The following CDKL1 variants were observed in gnomAD, a reference collection of about 807,000 sequenced individuals.
CDKL1 encodes the protein cyclin-dependent kinase-like 1.
In CDKL1, 41 loss-of-function variants were observed where a neutral mutation model predicts 42.0. The observed-to-expected ratio is 0.98, with a 90% CI of 0.76 to 1.27. CDKL1 has a LOEUF of 1.27. CDKL1 is among the 50% of genes most tolerant of loss of function. The pLI is 0.00. For missense variants in CDKL1, 394 were observed against 428.4 expected (o/e 0.92, Z 0.71); for synonymous variants, 153 against 158.6 (o/e 0.96, Z 0.26).
chr14:50,377,111 T>G (rs2034755589), intron 2 of CDKL1, among the ~76,000 whole-genome samples: 1 of 152,190 alleles, frequency 6.6e-6, no homozygotes, highest in South Asian at 2.1e-4. Context: ...TGTTTCCCAT[T>G]CTTTCAGCCC....
intron 7 of CDKL1, chr14:50,335,672 A>G: frequency 6.7e-7 from 1 of 1,494,322 alleles, no homozygotes; most frequent in Non-Finnish European, 8.9e-7. Context: ...GAGCCAGCCA[A>G]GCTGAGCAAA....
chr14:50,364,614 T>A (rs972077373), intron 2 of CDKL1, among the ~76,000 whole-genome samples: 18 of 152,134 alleles, frequency 1.2e-4, no homozygotes, highest in Non-Finnish European at 5.9e-5. Flanking sequence ...TATTAGCTGG[T>A]TGCCTCACTT....
chr14:50,396,112 G>A lies in CDKL1; in HGVS notation c.-244C>T, dbSNP rs1011894123. ...GAGGCAGGAGAATCGCGTGAACCTG[G>A]GAGGCGCAGGTTGCAGTGAGCCGAG... On this transcript the variant is annotated 5_prime_UTR_variant, in exon 2 of 10. Transcript: ENST00000395834. 1 of 1,100,732 alleles carries A rather than the reference G, an allele frequency of 9.1e-7. No homozygotes were observed. The highest frequency in any genetic ancestry group is 1.7e-5 in the African/African-American group (1 of 59,180). 68.2% of individuals were successfully genotyped at this position (1,100,732 alleles called of 1,614,324 possible). A position where few individuals can be genotyped will look rare whatever the true frequency, so the allele number is the denominator to read the frequency against.
chr14:50,342,178 T>G lies in CDKL1; in HGVS notation c.408A>C (p.Lys136Asn), dbSNP rs1171296834. The change falls in exon 5 of 10, where the codon AAA (lysine) becomes AAC (asparagine). Residue 136 changes from lysine to asparagine, a missense_variant. Physicochemically the swap from Lys to Asn is moderately conservative, Grantham distance 94. Transcript: ENST00000395834. The part of the protein sequence containing the change: ...DVKPENILIT[K>N]HSVIKLCDFG... ...AGTCACAAAGCTTAATCACGGAATG[T>G]TTCGTGATGAGGATATTTTCTGGCT... The G allele has an allele frequency of 6.2e-7, 1 of 1,613,986 alleles. No individual in the cohort carries two copies. Among genetic ancestry groups the G allele is most frequent in the African/African-American group, 1.3e-5 (1 of 74,924 alleles).
chr14:50,380,353 A>G (rs893718947), intron 2 of CDKL1: 19 of 404,408 alleles, frequency 4.7e-5, no homozygotes, highest in South Asian at 2.6e-4. Flanking sequence ...ACTCAACCCA[A>G]CTGTACTTCC....
chr14:50,378,414 A>T (rs1163461590), intron 2 of CDKL1: 1 of 1,366,512 alleles, frequency 7.3e-7, no homozygotes, highest in South Asian at 1.1e-5. Flanking sequence ...CTGGGCCGTG[A>T]TAGTAGTAAA....
intron 2 of CDKL1, among the ~76,000 whole-genome samples, chr14:50,361,623 T>C (rs560535826): frequency 3.5e-4 from 53 of 152,312 alleles, no homozygotes; most frequent in Non-Finnish European, 6.8e-4. Context: ...AACCTTGAGC[T>C]CTTTATACGG....
At chr14:50,349,469 G>C (rs542300704) in intron 3 of CDKL1, among the ~76,000 whole-genome samples, 1 of 152,306 alleles carries the variant, frequency 6.6e-6, no homozygotes, top group Non-Finnish European at 1.5e-5. Context: ...CAATGCAGGA[G>C]GGAAGCAGCA....
intron 2 of CDKL1, among the ~76,000 whole-genome samples, chr14:50,371,316 T>C (rs2034584351): frequency 6.6e-6 from 1 of 152,208 alleles, no homozygotes; most frequent in Non-Finnish European, 1.5e-5. Context: ...GGAATCTCCA[T>C]ATATTTTTCC....
At chr14:50,343,093 A>T (rs571386399) in intron 4 of CDKL1, 26 of 1,238,100 alleles carry the variant, frequency 2.1e-5, no homozygotes, top group East Asian at 2.0e-4. Context: ...TCTTCACATG[A>T]TTTTCTCATT....
At chr14:50,390,982 A>C (rs1252626272) in intron 2 of CDKL1, among the ~76,000 whole-genome samples, 2 of 152,128 alleles carry the variant, frequency 1.3e-5, no homozygotes, top group Non-Finnish European at 2.9e-5. Context: ...CTACAGGTGC[A>C]TGCCACCATG....
chr14:50,356,178 A>G (rs2034051155), intron 3 of CDKL1, among the ~76,000 whole-genome samples: 1 of 152,184 alleles, frequency 6.6e-6, no homozygotes, highest in Non-Finnish European at 1.5e-5. Context: ...CTTTGTTGAT[A>G]TTGTCTAATA....
chr14:50,378,011 A>G (rs1472701448), intron 2 of CDKL1, among the ~76,000 whole-genome samples: 1 of 152,130 alleles, frequency 6.6e-6, no homozygotes, highest in Non-Finnish European at 1.5e-5. Flanking sequence ...CAGGTCTCTC[A>G]TGTCTAAGTC....
intron 2 of CDKL1, among the ~76,000 whole-genome samples, chr14:50,370,688 C>T (rs1229844054): frequency 1.3e-5 from 2 of 152,152 alleles, no homozygotes; most frequent in African/African-American, 4.8e-5. Context: ...CTAGGGAGGC[C>T]TCAGGAAGCT....
chr14:50,363,216 C>T (rs1368544392), intron 2 of CDKL1: 1 of 210,886 alleles, frequency 4.7e-6, no homozygotes, highest in African/African-American at 2.3e-5. Context: ...AAGTGTAACA[C>T]TCACCGCGAG....
At chr14:50,354,267 G>C (rs1000580135) in intron 3 of CDKL1, among the ~76,000 whole-genome samples, 9 of 152,098 alleles carry the variant, frequency 5.9e-5, no homozygotes, top group Non-Finnish European at 8.8e-5. Context: ...TCATTTCAAT[G>C]TCTGTGTTGC....
At chr14:50,377,563 G>T in intron 2 of CDKL1, 1 of 1,334,940 alleles carries the variant, frequency 7.5e-7, no homozygotes, top group Non-Finnish European at 9.9e-7. Flanking sequence ...TAGCTAGCAG[G>T]CCTTCAGAAT....
chr14:50,334,485 G>T, intron 8 of CDKL1, 80 bp downstream of exon 8: 1 of 839,674 alleles, frequency 1.2e-6, no homozygotes, highest in Non-Finnish European at 2.0e-6. Flanking sequence ...TCATTGCATG[G>T]ATTGACATAA....
intron 2 of CDKL1, 131 bp from the exon 3 acceptor site, chr14:50,359,280 G>T: frequency 2.0e-6 from 2 of 1,008,194 alleles, no homozygotes; most frequent in Non-Finnish European, 2.8e-6. Flanking sequence ...GCTGTAAACA[G>T]TATCATCTTA....
Sources: gnomAD v4.1 joint callset for allele counts (sites outside exome capture counted in the v4.1 genomes callset) on GRCh38, gnomAD v4.1.1 for gene constraint, MANE v1.5 for transcripts, NCBI Gene and HGNC (gene_info 2026-07-23, HGNC 2026-07-21) for gene names.